The following FBXL16 variants were observed in gnomAD, a reference collection of about 807,000 sequenced individuals.
The protein encoded by FBXL16 is F-box/LRR-repeat protein 16.
Under a neutral mutation model 36.7 loss-of-function variants are expected in FBXL16, and 7 were observed. That is an observed-to-expected ratio of 0.19 (90% CI 0.11 to 0.36). FBXL16 has a LOEUF of 0.36. FBXL16 is among the 10% of genes least tolerant of loss of function. The probability of loss-of-function intolerance (pLI) is 1.00; values close to 1 mark genes in which losing one functional copy is unlikely to be tolerated. For missense variants in FBXL16, 463 were observed against 659.4 expected (o/e 0.70, Z 3.26); for synonymous variants, 355 against 308.7 (o/e 1.15, Z -1.57).
chr16:694,745 C>T (rs763338527), intron 4 of FBXL16, 48 bp from the exon 5 acceptor site: 1 of 1,552,422 alleles, frequency 6.4e-7, no homozygotes, highest in Admixed American at 1.9e-5. Context: ...CGCACCGAGG[C>T]GGAGGGCACC....
chr16:704,151 G>A (rs1177046269), intron 1 of FBXL16, among the ~76,000 whole-genome samples: 1 of 152,264 alleles, frequency 6.6e-6, no homozygotes, highest in Non-Finnish European at 1.5e-5. Context: ...TGGCTGAACA[G>A]TGCCACCTGG....
At chr16:695,998 A>C in intron 2 of FBXL16, 75 bp from the exon 3 acceptor site, 1 of 1,495,858 alleles carries the variant, frequency 6.7e-7, no homozygotes, top group Non-Finnish European at 8.9e-7. Context: ...AGTAGGGTGT[A>C]AACATGCAGG....
At chr16:701,074 C>G (rs969419052) in intron 1 of FBXL16, among the ~76,000 whole-genome samples, 5 of 152,216 alleles carry the variant, frequency 3.3e-5, no homozygotes, top group African/African-American at 1.2e-4. Context: ...CTGGGGGAGG[C>G]ATTCGCGGGG....
At chr16:704,688 C>T (rs753642557) in intron 1 of FBXL16, among the ~76,000 whole-genome samples, 1 of 152,240 alleles carries the variant, frequency 6.6e-6, no homozygotes, top group Non-Finnish European at 1.5e-5. Context: ...GGCCATTGGG[C>T]CCTCGGATGC....
At chr16:699,015 G>GTGC (rs2040037347) in intron 1 of FBXL16, among the ~76,000 whole-genome samples, 5 of 152,144 alleles carry the variant, frequency 3.3e-5, no homozygotes. Context: ...TTCCCAGGGT[G>GTGC]TGCTGTGGTG....
rs1047936962 is a variant in FBXL16, at chr16:693,890, GCA to G, written c.*383_*384del. 6.5e-6 allele frequency: 1 copy of G among 154,506 alleles called. No individual in the cohort carries two copies. The highest frequency in any genetic ancestry group is 1.4e-5 in the Non-Finnish European group (1 of 69,662). 9.6% of individuals were successfully genotyped at this position (154,506 alleles called of 1,614,324 possible). A position where few individuals can be genotyped will look rare whatever the true frequency, so the allele number is the denominator to read the frequency against. ...GGGTGTGGCGGGGAAGGCGGTAAGG[GCA>G]CAGTCTGGAGAGCTCAAAGCCCCCC... On this transcript the variant is annotated 3_prime_UTR_variant, in exon 6 of 6. Transcript: ENST00000397621.
rs2040005831 is a variant in FBXL16 at position 695,649 on chromosome 16, G to C, written c.908C>G (p.Ser303Cys). ...GHSTHTLRLL[S>C]CWEITNHGVV... is the part of the protein sequence containing the mutation. ...GCCGTGGTTGGTGATCTCCCAGCAG[G>C]AGAGCAGGCGCAGCGTGTGCGTGCT... Residue 303 changes from serine to cysteine, a missense_variant, in exon 3 of 6, where the codon TCC becomes TGC. Ser to Cys is a moderately radical substitution (Grantham distance 112, BLOSUM62 -1). Around this residue, in one of 3 missense-constraint regions of FBXL16, gnomAD observed 66 missense variants for 146.3 expected, o/e 0.45. Transcript: ENST00000397621. 6.2e-7 allele frequency: 1 copy of C among 1,606,520 alleles called. No homozygotes were observed. Among genetic ancestry groups the C allele is most frequent in the Non-Finnish European group, 8.5e-7 (1 of 1,179,220 alleles).
intron 2 of FBXL16, among the ~76,000 whole-genome samples, chr16:696,332 C>T (rs1247111319): frequency 6.6e-6 from 1 of 152,196 alleles, no homozygotes; most frequent in African/African-American, 2.4e-5. Flanking sequence ...ATGATCTCAG[C>T]TCACTGTACC....
rs1436680592 is a variant in FBXL16 at position 695,322 on chromosome 16, CCCCCGCCCCCGGCCCCGTGCAG to C, written c.1142+71_1142+92del. ...GCCACAGCCCCAGCCCCGCCGGAAGCCCCCGCCCCCGGCCCCGTGCAGCCCCGCCCCGCCCCGCCCCGTGCAG... is the reference window on the plus strand; with the variant it reads ...GCCACAGCCCCAGCCCCGCCGGAAGCCCCCGCCCCGCCCCGCCCCGTGCAG... On this transcript the variant is annotated intron_variant, in intron 3 of 5. Coordinates refer to ENST00000397621, the MANE Select transcript of FBXL16 (RefSeq NM_153350.4). 6 of 1,073,126 alleles carry C rather than the reference CCCCCGCCCCCGGCCCCGTGCAG, an allele frequency of 5.6e-6. No homozygotes were observed. The African/African-American group carries it at 8.6e-5, about 15-fold the overall frequency. 66.5% of individuals were successfully genotyped at this position (1,073,126 alleles called of 1,614,324 possible).
intron 3 of FBXL16, 138 bp from the exon 4 acceptor site, chr16:695,214 A>G: frequency 8.7e-7 from 1 of 1,147,044 alleles, no homozygotes; most frequent in Non-Finnish European, 1.2e-6. Context: ...GCTCCCACCC[A>G]CCGGGAAGGA....
rs1046671595 is a variant in FBXL16 at position 694,154 on chromosome 16, G to A, written c.*121C>T. ...TTTCCCTCGGCTCGCCCCGCCTCCC[G>A]CGCTGGGCCGGGGGCGCGGGGGCTC... is the stretch of plus-strand genomic sequence containing the variant. On this transcript the variant is annotated 3_prime_UTR_variant, in exon 6 of 6. Transcript: ENST00000397621. 3.6e-5 allele frequency: 23 copies of A among 647,614 alleles called. No homozygotes were observed. The highest frequency in any genetic ancestry group is 2.1e-4 in the East Asian group (5 of 24,300). The allele number at this position is 647,614 out of a possible 1,614,324, so 40.1% of individuals were successfully genotyped here.
chr16:702,630 A>C (rs1235086029), intron 1 of FBXL16, among the ~76,000 whole-genome samples: 1 of 152,220 alleles, frequency 6.6e-6, no homozygotes. Flanking sequence ...GGTCAAATTT[A>C]GGAAGAGGCC....
At position 701,096 on chromosome 16, in the gene FBXL16, C is replaced by T. The variant is rs557375667; in HGVS notation, c.-14-3677G>A. On this transcript the variant is annotated intron_variant, in intron 1 of 5. Coordinates refer to ENST00000397621, the MANE Select transcript of FBXL16 (RefSeq NM_153350.4). ...AGGCATTCGCGGGGCTCCTTTCCCG[C>T]CCCGCTCGGGAGCTCACGTTTGCCG... 5.9e-5 allele frequency among the ~76,000 whole-genome samples: 9 copies of T among 152,288 alleles called. No homozygotes were observed. The South Asian group carries it at 1.9e-3, about 32-fold the overall frequency.
Position 696,830 on chromosome 16 carries a change from C to T in FBXL16, c.576G>A (p.Lys192=). The part of the protein sequence containing the change: ...CEFIDNYALS[K]KGVKAMSLKR... Reference sequence around the variant, plus strand: ...TGAGGCTCATGGCTTTGACACCCTTCTTGGAGAGCGCATAGTTGTCAATGA... The same window carrying T: ...TGAGGCTCATGGCTTTGACACCCTTTTTGGAGAGCGCATAGTTGTCAATGA... The change falls in exon 2 of 6, where the codon AAG becomes AAA. Residue 192 remains lysine (K), a synonymous_variant. Transcript: ENST00000397621. 1 of 1,562,952 alleles carries T rather than the reference C, an allele frequency of 6.4e-7. No homozygotes were observed. Among genetic ancestry groups the T allele is most frequent in the Non-Finnish European group, 8.6e-7 (1 of 1,160,368 alleles).
chr16:697,481 G>A lies in FBXL16; in HGVS notation c.-14-62C>T. 6.8e-7 allele frequency: 1 copy of A among 1,470,474 alleles called. No individual in the cohort carries two copies. Among genetic ancestry groups the A allele is most frequent in the South Asian group, 1.4e-5 (1 of 74,030 alleles). The allele number at this position is 1,470,474 out of a possible 1,614,324, so 91.1% of individuals were successfully genotyped here. A position where few individuals can be genotyped will look rare whatever the true frequency, so the allele number is the denominator to read the frequency against. ...GCTGAGTCTGGAAGGCCGGGGTTGG[G>A]GGCGGGTGCAGTGGGGCTCCTTCCC... On this transcript the variant is annotated intron_variant, in intron 1 of 5. Transcript: ENST00000397621. This position sits in a 1 kb window ranked among gnomAD's most constrained non-coding sequence, Gnocchi z 4.6.
rs560339048 is a variant in FBXL16 at position 703,922 on chromosome 16, C to T, written c.-15+1590G>A. Among the ~76,000 whole-genome samples, 3 of 152,386 alleles carry T rather than the reference C, an allele frequency of 2.0e-5. No homozygotes were observed. The East Asian group carries it at 5.8e-4, about 29-fold the overall frequency. On this transcript the variant is annotated intron_variant, in intron 1 of 5. Transcript: ENST00000397621. ...AGGCCTGGGCCCCTAGTGCCTACTG[C>T]TCCAGGCAGCTGCCACTAACCATCA...
chr16:694,816 C>G (rs886963466), intron 4 of FBXL16, 119 bp from the exon 5 acceptor site: 1 of 1,317,722 alleles, frequency 7.6e-7, no homozygotes, highest in Non-Finnish European at 1.1e-6. Context: ...CCCCCGGAGC[C>G]GGGAGGCGGC....
chr16:701,047 C>T (rs946954100), intron 1 of FBXL16, among the ~76,000 whole-genome samples: 6 of 152,200 alleles, frequency 3.9e-5, no homozygotes, highest in African/African-American at 1.4e-4. Context: ...CATGGGCCTG[C>T]ACGTGGAGCG....
intron 1 of FBXL16, among the ~76,000 whole-genome samples, chr16:702,566 G>C (rs1033512373): frequency 1.4e-4 from 21 of 152,358 alleles, no homozygotes; most frequent in East Asian, 5.8e-4. Flanking sequence ...CGCTAGCTCA[G>C]TCACGCAGAA....
Sources: allele counts gnomAD v4.1 joint callset (sites outside exome capture counted in the v4.1 genomes callset), GRCh38; gene constraint gnomAD v4.1.1; regional missense constraint gnomAD v4.1.1; non-coding constraint Gnocchi (gnomAD v3.1); transcripts MANE v1.5; gene names NCBI Gene and HGNC (gene_info 2026-07-23, HGNC 2026-07-21).